Variants in LRP1B observed in about 807,000 individuals in gnomAD.
LRP1B encodes the protein low-density lipoprotein receptor-related protein 1B.
Under a neutral mutation model 556.6 loss-of-function variants are expected in LRP1B, and 217 were observed. That is an observed-to-expected ratio of 0.39 (90% CI 0.35 to 0.44). LRP1B has a LOEUF of 0.44. Ranked by LOEUF, LRP1B falls within the 20% of genes least tolerant of loss-of-function variation. LRP1B has a pLI of 1.00. For synonymous variants in LRP1B, 2,047 were observed against 1,865.8 expected, an observed-to-expected ratio of 1.10 and a Z score of -2.50; for missense variants, 5,053 against 5,620.8, an observed-to-expected ratio of 0.90 and a Z score of 3.23.
intron 1 of LRP1B, among the ~76,000 whole-genome samples, chr2:141,941,659 G>C (rs962589461): frequency 2.0e-5 from 3 of 152,168 alleles, no homozygotes; most frequent in African/African-American, 7.2e-5. Flanking sequence ...GGGAGCACGT[G>C]GAACAGTGGG....
chr2:141,247,388 C>A (rs772136615), intron 4 of LRP1B, 34 bp from the exon 5 acceptor site: 9 of 1,603,372 alleles, frequency 5.6e-6, no homozygotes, highest in Admixed American at 1.7e-5. Flanking sequence ...TTCTAAGCAG[C>A]TTTATCTTGG....
At chr2:141,950,012 T>C (rs1044289582) in intron 1 of LRP1B, among the ~76,000 whole-genome samples, 4 of 152,156 alleles carry the variant, frequency 2.6e-5, no homozygotes, top group African/African-American at 7.2e-5. Flanking sequence ...AGTTAATAGA[T>C]TGCTAAGGAA....
intron 2 of LRP1B, among the ~76,000 whole-genome samples, chr2:141,579,917 GTC>G (rs1574101138): frequency 1.3e-5 from 2 of 152,068 alleles, no homozygotes; most frequent in East Asian, 3.9e-4. Flanking sequence ...AGCCAGGATG[GTC>G]TCTGTCTCCT....
At chr2:141,497,104 C>A (rs1437199191) in intron 2 of LRP1B, among the ~76,000 whole-genome samples, 1 of 151,934 alleles carries the variant, frequency 6.6e-6, no homozygotes, top group Non-Finnish European at 1.5e-5. Flanking sequence ...ACTTTATTTG[C>A]AATTTCTCAT....
At chr2:140,862,139 T>G (rs538044179) in intron 27 of LRP1B, among the ~76,000 whole-genome samples, 1 of 152,320 alleles carries the variant, frequency 6.6e-6, no homozygotes, top group South Asian at 2.1e-4. Context: ...TTCAACTGTA[T>G]CCCAGAAGTA....
intron 3 of LRP1B, among the ~76,000 whole-genome samples, chr2:141,446,393 C>A (rs890878292): frequency 6.6e-6 from 1 of 152,094 alleles, no homozygotes; most frequent in African/African-American, 2.4e-5. Flanking sequence ...TTAATTGGGG[C>A]ATTTAGCCTG....
At chr2:141,583,213 G>A (rs898619368) in intron 2 of LRP1B, among the ~76,000 whole-genome samples, 5 of 152,014 alleles carry the variant, frequency 3.3e-5, no homozygotes, top group African/African-American at 9.7e-5. Context: ...GACTTATTTC[G>A]CAACTGAAAA....
At chr2:140,914,705 G>C (rs1267413496) in intron 21 of LRP1B, among the ~76,000 whole-genome samples, 1 of 152,142 alleles carries the variant, frequency 6.6e-6, no homozygotes, top group African/African-American at 2.4e-5. Flanking sequence ...GGGACAGGTA[G>C]AGGAAAATGG....
At chr2:140,839,452 C>T (rs1346546447) in intron 31 of LRP1B, among the ~76,000 whole-genome samples, 1 of 152,164 alleles carries the variant, frequency 6.6e-6, no homozygotes. Flanking sequence ...GTGGGCACCA[C>T]CTAATCAGCT....
At chr2:141,678,522 A>G (rs1690974044) in intron 2 of LRP1B, among the ~76,000 whole-genome samples, 1 of 152,290 alleles carries the variant, frequency 6.6e-6, no homozygotes, top group South Asian at 2.1e-4. Flanking sequence ...ATGAAAATCA[A>G]TGATGACCTA....
intron 4 of LRP1B, among the ~76,000 whole-genome samples, chr2:141,253,989 A>C (rs1684367522): frequency 6.6e-6 from 1 of 152,136 alleles, no homozygotes; most frequent in Non-Finnish European, 1.5e-5. Flanking sequence ...TTCAGAATTC[A>C]TGAAGGGAGT....
At chr2:140,756,841 CTT>C (rs1358275913) in intron 35 of LRP1B, among the ~76,000 whole-genome samples, 5 of 151,990 alleles carry the variant, frequency 3.3e-5, no homozygotes, top group African/African-American at 7.2e-5. Flanking sequence ...AAATTTAAAA[CTT>C]TTGTGATTCA....
rs375142070 is a variant in LRP1B at position 141,852,479 on chromosome 2, T to G, written c.83-42078A>C. ...AACAGGTAAGAGTAGTTAAAATAAC[T>G]CTGCAATGAAAATAGCAATGTGGTG... On this transcript the variant is annotated intron_variant, in intron 1 of 90. Coordinates refer to ENST00000389484, the MANE Select transcript of LRP1B (RefSeq NM_018557.3). Among the ~76,000 whole-genome samples, 8 of 151,862 alleles carry G rather than the reference T, an allele frequency of 5.3e-5. No homozygotes were observed. The East Asian group carries it at 1.6e-3, about 29-fold the overall frequency.
chr2:140,717,030 G>T (rs190402606), intron 35 of LRP1B, among the ~76,000 whole-genome samples: 26 of 151,828 alleles, frequency 1.7e-4, no homozygotes, highest in Non-Finnish European at 2.7e-4. Context: ...AATGATTTTT[G>T]AAGTATTTTT....
At position 141,810,134 on chromosome 2, in the gene LRP1B, AAAG is replaced by A. The variant is rs1416928427; in HGVS notation, c.205+142_205+144del. 1,232 of 458,998 alleles carry A rather than the reference AAAG, an allele frequency of 2.7e-3. 19 individuals are homozygous for A. Among genetic ancestry groups the A allele is most frequent in the Non-Finnish European group, 3.7e-3 (1,007 of 275,400 alleles). The allele number at this position is 458,998 out of a possible 1,614,324, so 28.4% of individuals were successfully genotyped here. On this transcript the variant is annotated intron_variant, in intron 2 of 90. Coordinates refer to ENST00000389484, the MANE Select transcript of LRP1B (RefSeq NM_018557.3). ...AAGAAAAAGAAAGAAAGAAAGAAAG[AAAG>A]AAAGAAAGAAAGAAAGAAAGAAAGA...
chr2:141,571,375 T>TCAA (rs71391656), intron 2 of LRP1B, among the ~76,000 whole-genome samples: 12,022 of 143,020 alleles, frequency 0.084, 1,017 homozygotes, highest in South Asian at 0.14. Context: ...AACAACAGCA[T>TCAA]CAACAACAAC....
At chr2:141,125,919 A>G (rs1037332460) in intron 7 of LRP1B, among the ~76,000 whole-genome samples, 1 of 149,734 alleles carries the variant, frequency 6.7e-6, no homozygotes, top group Non-Finnish European at 1.5e-5. Context: ...AAATTCTGTG[A>G]TTGTTAACCT....
chr2:140,759,118 C>A (rs1479322667), intron 35 of LRP1B, among the ~76,000 whole-genome samples: 2 of 152,002 alleles, frequency 1.3e-5, no homozygotes, highest in Admixed American at 6.5e-5. Flanking sequence ...CTATTCAAGT[C>A]TAATTCTGAT....
At chr2:141,423,910 A>G (rs377026237) in intron 3 of LRP1B, among the ~76,000 whole-genome samples, 45 of 152,152 alleles carry the variant, frequency 3.0e-4, no homozygotes, top group East Asian at 2.7e-3. Context: ...AATATTAAAT[A>G]TAATAAAGTT....
Sources: allele counts gnomAD v4.1 joint callset (sites outside exome capture counted in the v4.1 genomes callset), GRCh38; gene constraint gnomAD v4.1.1; transcripts MANE v1.5; gene names NCBI Gene and HGNC (gene_info 2026-07-23, HGNC 2026-07-21).